SLC5A10: variants seen among roughly 807,000 people sequenced by gnomAD.
The protein encoded by SLC5A10 is sodium/mannose cotransporter SLC5A10.
SLC5A10 carries 55 observed loss-of-function variants against 68.9 expected under a neutral mutation model. The ratio of observed to expected loss-of-function variants is 0.80; its 90% confidence interval spans 0.64 to 1.00. The LOEUF is 1.00. Among genes scored for constraint, SLC5A10 ranks in the 50% least tolerant of loss-of-function variants. The pLI, the probability that SLC5A10 is intolerant of heterozygous loss-of-function variation, is 0.00. For synonymous variants in SLC5A10, 344 were observed against 344.8 expected (o/e 1.00, Z 0.02); for missense variants, 732 against 819.3 (o/e 0.89, Z 1.30).
intron 9 of SLC5A10, chr17:18,988,363 G>C (rs1231769337): frequency 2.5e-6 from 4 of 1,614,232 alleles, no homozygotes; most frequent in Non-Finnish European, 3.4e-6. Flanking sequence ...GCGTCCAGCA[G>C]GTCCTTGAAG....
At position 18,976,936 on chromosome 17, in the gene SLC5A10, T is replaced by G; in HGVS notation, c.929T>G (p.Leu310Arg). The G allele has an allele frequency of 6.2e-7, 1 of 1,613,228 alleles. No homozygotes were observed. Among genetic ancestry groups the G allele is most frequent in the Non-Finnish European group, 8.5e-7 (1 of 1,179,782 alleles). ...ATCCTGGCCAGCTACCTCAAGATGC[T>G]CCCCATGGGCCTGATCATCATGCCG... ...GSILASYLKM[L>R]PMGLIIMPGM... The change falls in exon 9 of 15, where the codon CTC becomes CGC. Residue 310 changes from leucine (L) to arginine (R), a missense_variant. Transcript: ENST00000395645.
intron 1 of SLC5A10, among the ~76,000 whole-genome samples, chr17:18,956,610 G>T (rs992143303): frequency 6.6e-6 from 1 of 151,766 alleles, no homozygotes; most frequent in Non-Finnish European, 1.5e-5. Flanking sequence ...TAGAGTAGCT[G>T]GGATTACAAG....
In SLC5A10 at chr17:18,996,134, T is replaced by C. The variant is rs1414168353; in HGVS notation, c.983-17276T>C. On this transcript the variant is annotated intron_variant, in intron 9 of 14. Transcript: ENST00000395645. The surrounding 1 kb of genome is among the most constrained non-coding windows in gnomAD (Gnocchi z 4.4). ...CAGGCAATATCTTTAAAGTACTAAA[T>C]GGAAAAAAAAAAAAATCAACTTAGA... 7.6e-6 allele frequency among the ~76,000 whole-genome samples: 1 copy of C among 131,328 alleles called. No individual in the cohort carries two copies. The highest frequency in any genetic ancestry group is 1.6e-5 in the Non-Finnish European group (1 of 62,798). The allele number at this position is 131,328 out of a possible 152,430, so 86.2% of individuals were successfully genotyped here. A position where few individuals can be genotyped will look rare whatever the true frequency, so the allele number is the denominator to read the frequency against.
intron 1 of SLC5A10, among the ~76,000 whole-genome samples, 158 bp from the exon 2 acceptor site, chr17:18,958,524 G>A (rs2042547648): frequency 6.6e-6 from 1 of 152,180 alleles, no homozygotes; most frequent in Admixed American, 6.5e-5. Context: ...GTGGATGTGT[G>A]TTTTCAATTC....
At chr17:18,986,804 C>A (rs1304052326) in intron 9 of SLC5A10, among the ~76,000 whole-genome samples, 1 of 152,228 alleles carries the variant, frequency 6.6e-6, no homozygotes, top group Admixed American at 6.5e-5. Flanking sequence ...CTGGTGGGGC[C>A]CCACTGGGGT....
Position 18,974,824 on chromosome 17 carries a change from G to A in SLC5A10, c.847-2030G>A, listed in dbSNP as rs113860772. Among the ~76,000 whole-genome samples the A allele has an allele frequency of 3.7e-3, 565 of 152,284 alleles. 4 individuals carry two copies. The highest frequency in any genetic ancestry group is 0.013 in the African/African-American group (535 of 41,560). ...AATGGCCACTCAGGGAGTGAGTGCC[G>A]GCTTCCTCAGGGAAGAGCGCCTGGC... On this transcript the variant is annotated intron_variant, in intron 8 of 14. Coordinates refer to ENST00000395645, the MANE Select transcript of SLC5A10 (RefSeq NM_001042450.4).
intron 11 of SLC5A10, among the ~76,000 whole-genome samples, chr17:19,015,937 C>T (rs543639329): frequency 6.6e-6 from 1 of 152,316 alleles, no homozygotes; most frequent in Admixed American, 6.5e-5. Context: ...GGCGATTTCT[C>T]AGATTTTGGT....
Position 18,971,347 on chromosome 17 carries a change from T to C in SLC5A10, c.846+129T>C, listed in dbSNP as rs2042841151. On this transcript the variant is annotated intron_variant, in intron 8 of 14. Coordinates refer to ENST00000395645, the MANE Select transcript of SLC5A10 (RefSeq NM_001042450.4). This position sits in a 1 kb window ranked among gnomAD's most constrained non-coding sequence, Gnocchi z 5.5. Reference sequence around the variant, plus strand: ...GGCCTCAGAAGGTGTGGCTCCAGGCTGGGACATGCTGCTAGGGGTCTTTGC... The same window carrying C: ...GGCCTCAGAAGGTGTGGCTCCAGGCCGGGACATGCTGCTAGGGGTCTTTGC... 1 of 1,599,284 alleles carries C rather than the reference T, an allele frequency of 6.3e-7. No homozygotes were observed. Among genetic ancestry groups the C allele is most frequent in the East Asian group, 2.3e-5 (1 of 44,428 alleles).
At chr17:18,999,007 C>T (rs7219617) in intron 9 of SLC5A10, among the ~76,000 whole-genome samples, 2,955 of 152,318 alleles carry the variant, frequency 0.019, 76 homozygotes, top group African/African-American at 0.061. Context: ...CTGCCAGGCA[C>T]GGTGGCTCAT....
chr17:19,013,459 C>A lies in SLC5A10; in HGVS notation c.1032C>A (p.Ala344=). The A allele has an allele frequency of 6.2e-7, 1 of 1,603,778 alleles. No homozygotes were observed. Among genetic ancestry groups the A allele is most frequent in the Non-Finnish European group, 8.5e-7 (1 of 1,175,106 alleles). ...CCGAGTGCCTGCGGGCCTGCGGGGCCGAGGTCGGCTGCTCCAACATCGCCT... is the reference window on the plus strand; with the variant it reads ...CCGAGTGCCTGCGGGCCTGCGGGGCAGAGGTCGGCTGCTCCAACATCGCCT... The part of the protein sequence containing the change: ...VPSECLRACG[A]EVGCSNIAYP... Residue 344 remains alanine, a synonymous_variant, in exon 10 of 15, where the codon GCC becomes GCA. Coordinates refer to ENST00000395645, the MANE Select transcript of SLC5A10 (RefSeq NM_001042450.4).
chr17:19,020,438 C>A lies in SLC5A10; in HGVS notation c.*7C>A. ...TTATGCCTACTTCGCCTGACACTGC[C>A]ATCCTGGACAGAAAGGCAGGAGCTC... On this transcript the variant is annotated 3_prime_UTR_variant, in exon 15 of 15. Coordinates refer to ENST00000395645, the MANE Select transcript of SLC5A10 (RefSeq NM_001042450.4). 6.2e-7 allele frequency: 1 copy of A among 1,613,100 alleles called. No individual in the cohort carries two copies. The highest frequency in any genetic ancestry group is 8.5e-7 in the Non-Finnish European group (1 of 1,179,416).
At chr17:19,013,702 G>A (rs554016711) in intron 10 of SLC5A10, among the ~76,000 whole-genome samples, 185 bp downstream of exon 10, 6 of 150,236 alleles carry the variant, frequency 4.0e-5, no homozygotes, top group African/African-American at 9.9e-5. Context: ...ACCCCTCAGC[G>A]TTGTTGCTGG....
At chr17:18,956,833 T>G (rs1473238096) in intron 1 of SLC5A10, among the ~76,000 whole-genome samples, 2 of 152,140 alleles carry the variant, frequency 1.3e-5, no homozygotes, top group Admixed American at 6.6e-5. Context: ...GAAAAATCCA[T>G]GTACTCACTG....
At chr17:18,998,516 T>G (rs2043628135) in intron 9 of SLC5A10, among the ~76,000 whole-genome samples, 1 of 152,066 alleles carries the variant, frequency 6.6e-6, no homozygotes, top group Non-Finnish European at 1.5e-5. Flanking sequence ...TCCCCAGCTG[T>G]GATATGAACA....
Position 19,020,736 on chromosome 17 carries a change from G to A in SLC5A10, c.*305G>A, listed in dbSNP as rs1036627757. The A allele has an allele frequency of 2.6e-6, 1 of 388,494 alleles. No individual in the cohort carries two copies. The highest frequency in any genetic ancestry group is 4.8e-6 in the Non-Finnish European group (1 of 206,722). 24.1% of individuals were successfully genotyped at this position (388,494 alleles called of 1,614,324 possible). ...GTTTTGAATACACAGGCTGGGTCAG[G>A]AGCAGTGAGATTTGCCAGCACTCAG... On this transcript the variant is annotated 3_prime_UTR_variant, in exon 15 of 15. Transcript: ENST00000395645.
At chr17:19,006,474 A>G (rs930349206) in intron 9 of SLC5A10, among the ~76,000 whole-genome samples, 1 of 151,030 alleles carries the variant, frequency 6.6e-6, no homozygotes, top group Admixed American at 6.6e-5. Flanking sequence ...CCTGGCCTCA[A>G]GTGATTCTCC....
At chr17:19,006,556 A>T (rs957050893) in intron 9 of SLC5A10, among the ~76,000 whole-genome samples, 3 of 152,058 alleles carry the variant, frequency 2.0e-5, no homozygotes, top group African/African-American at 7.2e-5. Flanking sequence ...CCAGTTTTAC[A>T]TGCACTCATT....
chr17:18,969,469 C>T (rs1382428491), intron 7 of SLC5A10, 47 bp downstream of exon 7: 3 of 1,563,184 alleles, frequency 1.9e-6, no homozygotes, highest in Admixed American at 3.4e-5. Context: ...CCACAGCGAG[C>T]CCTTTGGAGT....
chr17:18,991,120 G>C (rs915861829), intron 9 of SLC5A10, among the ~76,000 whole-genome samples: 8 of 152,250 alleles, frequency 5.3e-5, no homozygotes, highest in African/African-American at 1.9e-4. Context: ...CTGAAGCACA[G>C]AGGCATTCGC....
Sources: allele counts gnomAD v4.1 joint callset (sites outside exome capture counted in the v4.1 genomes callset), GRCh38; gene constraint gnomAD v4.1.1; non-coding constraint Gnocchi (gnomAD v3.1); transcripts MANE v1.5; gene names NCBI Gene and HGNC (gene_info 2026-07-23, HGNC 2026-07-21).